TANGO6: variants seen among roughly 807,000 people sequenced by gnomAD.
TANGO6 encodes the protein transport and golgi organization 6 homolog, also known as transport and Golgi organization protein 6 homolog.
A neutral mutation model predicts 114.2 loss-of-function variants in TANGO6; 90 were observed. The ratio of observed to expected loss-of-function variants is 0.79; its 90% confidence interval spans 0.66 to 0.94. The LOEUF (loss-of-function observed/expected upper bound fraction) is 0.94, where lower values mean the gene tolerates loss of function less well. Ranked by LOEUF, TANGO6 falls within the 40% of genes least tolerant of loss-of-function variation. The pLI is 0.00. For synonymous variants in TANGO6, 477 were observed against 509.8 expected (o/e 0.94, Z 0.87); for missense variants, 1,274 against 1,315.3 (o/e 0.97, Z 0.49).
At chr16:68,862,454 C>T (rs1438414854) in intron 2 of TANGO6, among the ~76,000 whole-genome samples, 1 of 152,152 alleles carries the variant, frequency 6.6e-6, no homozygotes, top group East Asian at 1.9e-4. Context: ...CCCTCGGCCT[C>T]CCAAAGTGCT....
intron 17 of TANGO6, among the ~76,000 whole-genome samples, chr16:69,058,556 G>A (rs9929870): frequency 0.024 from 3,611 of 152,312 alleles, 146 homozygotes; most frequent in African/African-American, 0.082. Context: ...TGGCTGTTCT[G>A]AAGGAACTAA....
intron 14 of TANGO6, among the ~76,000 whole-genome samples, chr16:68,935,776 T>C (rs1320559549): frequency 6.6e-6 from 1 of 152,246 alleles, no homozygotes; most frequent in Non-Finnish European, 1.5e-5. Flanking sequence ...TTTATCATCA[T>C]TATTATTATA....
intron 1 of TANGO6, among the ~76,000 whole-genome samples, chr16:68,852,514 A>T (rs1003892027): frequency 1.3e-5 from 2 of 152,202 alleles, no homozygotes; most frequent in Admixed American, 1.3e-4. Flanking sequence ...TCAAAATTTT[A>T]TTATGGTTTT....
intron 7 of TANGO6, 33 bp downstream of exon 7, chr16:68,880,663 ACTT>A: frequency 6.8e-7 from 1 of 1,469,672 alleles, no homozygotes; most frequent in Non-Finnish European, 9.1e-7. Context: ...GTTTTTATTT[ACTT>A]CTTATTTAAA....
At chr16:68,912,487 TAGCC>T (rs1245273563) in intron 11 of TANGO6, among the ~76,000 whole-genome samples, 1 of 151,478 alleles carries the variant, frequency 6.6e-6, no homozygotes, top group Non-Finnish European at 1.5e-5. Flanking sequence ...TACAAAAAAT[TAGCC>T]AGGCATTGTG....
In TANGO6 at chr16:69,073,800, C is replaced by A. The variant is rs529873218; in HGVS notation, c.3109-9685C>A. On this transcript the variant is annotated intron_variant, in intron 17 of 17. Transcript: ENST00000261778. Reference sequence around the variant, plus strand: ...TGAAACCCAGTCTCTACTAAAAATACAAAAATTAGCTCGGCATGGTGGCGG... The same window carrying A: ...TGAAACCCAGTCTCTACTAAAAATAAAAAAATTAGCTCGGCATGGTGGCGG... Among the ~76,000 whole-genome samples the A allele has an allele frequency of 1.3e-4, 19 of 151,952 alleles. No individual in the cohort carries two copies. The East Asian group carries it at 2.7e-3, about 22-fold the overall frequency.
At chr16:68,875,570 T>C (rs1197675567) in intron 5 of TANGO6, among the ~76,000 whole-genome samples, 1 of 151,962 alleles carries the variant, frequency 6.6e-6, no homozygotes, top group African/African-American at 2.4e-5. Flanking sequence ...AGTTCGAGAT[T>C]AGCCTGACCA....
intron 2 of TANGO6, 84 bp downstream of exon 2, chr16:68,860,608 G>T (rs2152157456): frequency 1.3e-6 from 2 of 1,493,264 alleles, no homozygotes; most frequent in South Asian, 2.6e-5. Flanking sequence ...GTTATAAAAG[G>T]CAACTCTTAG....
Position 69,083,739 on chromosome 16 carries a change from C to A in TANGO6, c.*78C>A. On this transcript the variant is annotated 3_prime_UTR_variant, in exon 18 of 18. Coordinates refer to ENST00000261778, the MANE Select transcript of TANGO6 (RefSeq NM_024562.2). ...TGCCCAGGTCTTCCAGCAGGTGGCC[C>A]TGCTGCCTCTTGAGTGCTGGCAGCA... is the stretch of plus-strand genomic sequence containing the variant. 1 of 1,467,650 alleles carries A rather than the reference C, an allele frequency of 6.8e-7. No individual in the cohort carries two copies. Among genetic ancestry groups the A allele is most frequent in the South Asian group, 1.4e-5 (1 of 73,374 alleles). The allele number at this position is 1,467,650 out of a possible 1,614,324, so 90.9% of individuals were successfully genotyped here.
chr16:69,045,902 A>G (rs1959849358), intron 17 of TANGO6, among the ~76,000 whole-genome samples: 1 of 150,594 alleles, frequency 6.6e-6, no homozygotes, highest in South Asian at 2.1e-4. Flanking sequence ...CATCTCTACT[A>G]AAAATACAAA....
At chr16:68,973,519 T>G (rs1042192318) in intron 14 of TANGO6, among the ~76,000 whole-genome samples, 1 of 152,156 alleles carries the variant, frequency 6.6e-6, no homozygotes, top group Non-Finnish European at 1.5e-5. Context: ...TGTTCCAGGC[T>G]ACACATTTAG....
At chr16:69,079,697 AT>A in intron 17 of TANGO6, among the ~76,000 whole-genome samples, 3 of 152,294 alleles carry the variant, frequency 2.0e-5, no homozygotes, top group Admixed American at 2.0e-4. Flanking sequence ...GCAAAATGCT[AT>A]TTTTTTCTAC....
chr16:69,067,236 C>T (rs188802185), intron 17 of TANGO6, among the ~76,000 whole-genome samples: 1 of 152,200 alleles, frequency 6.6e-6, no homozygotes, highest in African/African-American at 2.4e-5. Flanking sequence ...AGGCTGGGCA[C>T]GGTGGCTCAT....
Position 68,907,524 on chromosome 16 carries a change from C to G in TANGO6, c.1749C>G (p.Ser583=). Residue 583 remains serine, a synonymous_variant, in exon 10 of 18, where the codon TCC becomes TCG. Coordinates refer to ENST00000261778, the MANE Select transcript of TANGO6 (RefSeq NM_024562.2). ...GRVEHLGDLL[S]HCQECGLAGD... is the part of the protein sequence containing the mutation. The stretch of plus-strand genomic sequence containing the variant: ...TGGAGCATCTCGGGGACTTGCTGTC[C>G]CACTGCCAGGAATGCGGTTTGGCAG... 6.2e-7 allele frequency: 1 copy of G among 1,612,596 alleles called. No homozygotes were observed.
chr16:69,017,377 T>A (rs373025299), intron 15 of TANGO6, among the ~76,000 whole-genome samples: 1 of 152,184 alleles, frequency 6.6e-6, no homozygotes, highest in East Asian at 1.9e-4. Context: ...AATATGCCTT[T>A]TCTTTATCAT....
intron 7 of TANGO6, among the ~76,000 whole-genome samples, chr16:68,898,951 T>TATG (rs1962746340): frequency 1.1e-5 from 1 of 93,244 alleles, no homozygotes; most frequent in Non-Finnish European, 2.1e-5. Flanking sequence ...TCTGCCTTAT[T>TATG]ATTATTATTA....
chr16:69,001,497 A>G (rs1964042648), intron 15 of TANGO6, among the ~76,000 whole-genome samples: 1 of 152,210 alleles, frequency 6.6e-6, no homozygotes, highest in Non-Finnish European at 1.5e-5. Flanking sequence ...TTTTATATAA[A>G]CATCACACAT....
intron 11 of TANGO6, among the ~76,000 whole-genome samples, chr16:68,912,777 C>T (rs1474061503): frequency 2.0e-5 from 3 of 150,706 alleles, no homozygotes; most frequent in African/African-American, 7.3e-5. Flanking sequence ...AGAGAAGAGA[C>T]CTAAAAGGTA....
intron 17 of TANGO6, among the ~76,000 whole-genome samples, chr16:69,045,162 A>AAG (rs1167691847): frequency 6.6e-6 from 1 of 150,578 alleles, no homozygotes; most frequent in Non-Finnish European, 1.5e-5. Flanking sequence ...GTCTCAAAAA[A>AAG]AAAAAAAAAA....
Sources: gnomAD v4.1 joint callset for allele counts (sites outside exome capture counted in the v4.1 genomes callset) on GRCh38, gnomAD v4.1.1 for gene constraint, MANE v1.5 for transcripts, NCBI Gene and HGNC (gene_info 2026-07-23, HGNC 2026-07-21) for gene names.